Variants in DLGAP2 observed in about 807,000 individuals in gnomAD.
DLGAP2 encodes disks large-associated protein 2.
In DLGAP2, 26 loss-of-function variants were observed where a neutral mutation model predicts 100.3. The ratio of observed to expected loss-of-function variants is 0.26; its 90% CI spans 0.19 to 0.36. The LOEUF (loss-of-function observed/expected upper bound fraction) is 0.36, where lower values mean the gene tolerates loss of function less well. DLGAP2 is among the 10% of genes least tolerant of loss of function. The probability of loss-of-function intolerance (pLI) is 1.00; values close to 1 mark genes in which losing one functional copy is unlikely to be tolerated. For synonymous variants in DLGAP2, 886 were observed against 630.1 expected (o/e 1.41, Z -6.08); for missense variants, 1,858 against 1,453.2 (o/e 1.28, Z -4.53).
intron 2 of DLGAP2, among the ~76,000 whole-genome samples, chr8:1,254,223 C>T (rs760621399): frequency 2.0e-5 from 3 of 152,204 alleles, no homozygotes; most frequent in Non-Finnish European, 4.4e-5. Context: ...CCACAGGCAC[C>T]ATGGTGAAGC....
chr8:1,169,096 A>ATG (rs1563227532), intron 2 of DLGAP2, among the ~76,000 whole-genome samples: 1 of 148,346 alleles, frequency 6.7e-6, no homozygotes, highest in Non-Finnish European at 1.5e-5. Flanking sequence ...AGCTTTCTCC[A>ATG]TATGGCTAGC....
chr8:779,396 C>T (rs1006934663), intron 1 of DLGAP2, among the ~76,000 whole-genome samples: 13 of 152,074 alleles, frequency 8.5e-5, no homozygotes, highest in African/African-American at 3.1e-4. Context: ...CCAAATGCAC[C>T]TACACTGGGG....
At chr8:1,686,912 T>G (rs1249184093) in intron 12 of DLGAP2, among the ~76,000 whole-genome samples, 1 of 152,254 alleles carries the variant, frequency 6.6e-6, no homozygotes, top group African/African-American at 2.4e-5. Flanking sequence ...TTTGAGGTGA[T>G]GCACGTCCCA....
At chr8:1,296,546 C>T (rs56291277) in intron 3 of DLGAP2, among the ~76,000 whole-genome samples, 2,051 of 152,106 alleles carry the variant, frequency 0.013, 16 homozygotes, top group Middle Eastern at 0.051. Flanking sequence ...GCAGAGTGTG[C>T]GTTTTATTAA....
chr8:1,043,164 G>A (rs1428575843), intron 2 of DLGAP2, among the ~76,000 whole-genome samples: 3 of 126,440 alleles, frequency 2.4e-5, no homozygotes, highest in African/African-American at 8.6e-5. Context: ...GGTGGTGGAC[G>A]TGGGTGGTGG....
Position 1,411,813 on chromosome 8 carries a change from G to A in DLGAP2, c.107-89553G>A, listed in dbSNP as rs145901153. ...CTGCGCATGAAGTCTCTCTCACTAA[G>A]GGTGAATTTTCCCTAATCAGCTCTG... On this transcript the variant is annotated intron_variant, in intron 3 of 14. Coordinates refer to ENST00000637795, the MANE Select transcript of DLGAP2 (RefSeq NM_001346810.2). Among the ~76,000 whole-genome samples, 21 of 152,342 alleles carry A rather than the reference G, an allele frequency of 1.4e-4. 1 individual carries two copies. Among genetic ancestry groups the A allele is most frequent in the African/African-American group, 5.0e-4 (21 of 41,588 alleles).
intron 6 of DLGAP2, among the ~76,000 whole-genome samples, chr8:1,625,756 A>T (rs1797474656): frequency 6.6e-6 from 1 of 152,232 alleles, no homozygotes; most frequent in African/African-American, 2.4e-5. Context: ...GAATGACCCA[A>T]ATTTCACTAC....
chr8:1,335,745 G>C (rs1801258665), intron 3 of DLGAP2, among the ~76,000 whole-genome samples: 1 of 152,254 alleles, frequency 6.6e-6, no homozygotes, highest in Admixed American at 6.5e-5. Context: ...TATGATTTAT[G>C]TGTTTTGTTG....
At chr8:1,590,075 G>A (rs1053218196) in intron 6 of DLGAP2, among the ~76,000 whole-genome samples, 80 of 152,200 alleles carry the variant, frequency 5.3e-4, no homozygotes, top group Admixed American at 7.2e-4. Flanking sequence ...GTCCGTGGCT[G>A]TGGGTGCATC....
At chr8:1,519,631 C>T (rs982005396) in intron 4 of DLGAP2, among the ~76,000 whole-genome samples, 2 of 152,254 alleles carry the variant, frequency 1.3e-5, no homozygotes, top group African/African-American at 2.4e-5. Flanking sequence ...ATGGACACCA[C>T]CTCTTGCCTA....
intron 3 of DLGAP2, among the ~76,000 whole-genome samples, chr8:1,371,490 C>T (rs1035362775): frequency 2.6e-5 from 4 of 152,190 alleles, no homozygotes; most frequent in African/African-American, 7.2e-5. Context: ...GCTGCCCAGT[C>T]ACTGCAGGTT....
At chr8:987,409 T>C (rs1477859990) in intron 2 of DLGAP2, among the ~76,000 whole-genome samples, 1 of 152,136 alleles carries the variant, frequency 6.6e-6, no homozygotes, top group Non-Finnish European at 1.5e-5. Context: ...GGAGGCATCA[T>C]CACCTCCCTT....
chr8:774,532 G>A (rs1239656079), intron 1 of DLGAP2, among the ~76,000 whole-genome samples: 3 of 150,080 alleles, frequency 2.0e-5, no homozygotes, highest in Non-Finnish European at 3.0e-5. Context: ...TGTATAAGGT[G>A]TAAGGAAGGG....
chr8:1,626,536 C>T (rs1797504621), intron 6 of DLGAP2, among the ~76,000 whole-genome samples: 3 of 149,670 alleles, frequency 2.0e-5, no homozygotes, highest in Admixed American at 2.0e-4. Context: ...AGCAGGTGCT[C>T]AGCCTCTGGG....
chr8:1,050,313 C>T (rs895988888), intron 2 of DLGAP2, among the ~76,000 whole-genome samples: 10 of 152,160 alleles, frequency 6.6e-5, no homozygotes, highest in Non-Finnish European at 1.0e-4. Flanking sequence ...TACGAGTGCC[C>T]CTCTGCTTCT....
chr8:748,032 G>A (rs545921092), intron 1 of DLGAP2, among the ~76,000 whole-genome samples: 1 of 24,414 alleles, frequency 4.1e-5, no homozygotes, highest in Admixed American at 4.5e-4. Flanking sequence ...GTCTGCGGTG[G>A]GATGGGCGGG....
chr8:1,654,712 T>C (rs992272800), intron 8 of DLGAP2, among the ~76,000 whole-genome samples: 4 of 151,192 alleles, frequency 2.6e-5, no homozygotes, highest in African/African-American at 4.9e-5. Context: ...TACTTATCAA[T>C]TGGATTGGGA....
At chr8:1,012,393 T>C (rs59004371) in intron 2 of DLGAP2, among the ~76,000 whole-genome samples, 52,046 of 152,162 alleles carry the variant, frequency 0.34, 9,068 homozygotes, top group Admixed American at 0.4. Flanking sequence ...CAAATGCTTC[T>C]TGGACCCACA....
intron 1 of DLGAP2, among the ~76,000 whole-genome samples, chr8:758,238 A>G (rs1432770033): frequency 1.3e-5 from 2 of 152,202 alleles, no homozygotes; most frequent in Non-Finnish European, 2.9e-5. Flanking sequence ...TTTGTTTCCA[A>G]AAATATTTTT....
Sources: allele counts gnomAD v4.1 joint callset (sites outside exome capture counted in the v4.1 genomes callset), GRCh38; gene constraint gnomAD v4.1.1; transcripts MANE v1.5; gene names NCBI Gene and HGNC (gene_info 2026-07-23, HGNC 2026-07-21).